The following GRIN2D variants were observed in gnomAD, a reference collection of about 807,000 sequenced individuals.
GRIN2D encodes the protein glutamate ionotropic receptor NMDA type subunit 2D, also known as glutamate receptor ionotropic, NMDA 2D.
GRIN2D carries 37 observed loss-of-function variants against 103.2 expected under a neutral mutation model. The observed-to-expected ratio is 0.36, with a 90% confidence interval of 0.28 to 0.47. The LOEUF is 0.47. Among genes scored for constraint, GRIN2D ranks in the 20% least tolerant of loss-of-function variants. GRIN2D has a pLI of 1.00. For missense variants in GRIN2D, 1,557 were observed against 1,910.6 expected (o/e 0.81, Z 3.45); for synonymous variants, 845 against 885.6 (o/e 0.95, Z 0.81).
intron 11 of GRIN2D, among the ~76,000 whole-genome samples, chr19:48,436,185 A>G (rs1971227685): frequency 6.6e-6 from 1 of 152,174 alleles, no homozygotes; most frequent in Admixed American, 6.5e-5. Context: ...CACTCACATC[A>G]GTCTGCCTGA....
chr19:48,436,123 AAAAG>A (rs1260550608), intron 11 of GRIN2D, among the ~76,000 whole-genome samples: 16 of 152,146 alleles, frequency 1.1e-4, no homozygotes, highest in African/African-American at 3.9e-4. Flanking sequence ...CTGCAATGGA[AAAAG>A]AGTCATTCAC....
In GRIN2D at chr19:48,443,770, G is replaced by A; in HGVS notation, c.3844G>A (p.Ala1282Thr). 1.4e-6 allele frequency: 2 copies of A among 1,433,988 alleles called. No individual in the cohort carries two copies. Among genetic ancestry groups the A allele is most frequent in the South Asian group, 1.4e-5 (1 of 72,304 alleles). 88.8% of individuals were successfully genotyped at this position (1,433,988 alleles called of 1,614,324 possible). A position where few individuals can be genotyped will look rare whatever the true frequency, so the allele number is the denominator to read the frequency against. The change falls in exon 14 of 14, where the codon GCC (alanine) becomes ACC (threonine). Residue 1282 changes from alanine to threonine, a missense_variant. Around this residue, in one of 7 missense-constraint regions of GRIN2D, gnomAD observed 11 missense variants for 29.1 expected, o/e 0.38. Coordinates refer to ENST00000263269, the MANE Select transcript of GRIN2D (RefSeq NM_000836.4). The surrounding 1 kb of genome is among the most constrained non-coding windows in gnomAD (Gnocchi z 8.9). ...GGACCTCAGCTCGTGCCCTCGCGCC[G>A]CCCCTGCGCGCAGGCTTACCGGGCC... The part of the protein sequence containing the change: ...LEDLSSCPRA[A>T]PARRLTGPSR...
intron 11 of GRIN2D, among the ~76,000 whole-genome samples, chr19:48,428,479 G>T (rs1971116675): frequency 6.6e-6 from 1 of 151,444 alleles, no homozygotes; most frequent in Non-Finnish European, 1.5e-5. Flanking sequence ...TCTTGCCTCA[G>T]CCTCCCTCCT....
At chr19:48,433,973 G>A (rs925367932) in intron 11 of GRIN2D, among the ~76,000 whole-genome samples, 1 of 150,170 alleles carries the variant, frequency 6.7e-6, no homozygotes, top group African/African-American at 2.5e-5. Flanking sequence ...TTTTGAGATG[G>A]AGTCTCGCTC....
chr19:48,428,091 C>T (rs2147463429), intron 11 of GRIN2D, among the ~76,000 whole-genome samples: 1 of 146,310 alleles, frequency 6.8e-6, no homozygotes, highest in East Asian at 2.0e-4. Context: ...GGCTGGAGTG[C>T]AGTGACATGA....
chr19:48,402,136 GAA>G (rs1569059055), intron 3 of GRIN2D, among the ~76,000 whole-genome samples: 4 of 134,226 alleles, frequency 3.0e-5, no homozygotes, highest in South Asian at 2.5e-4. Context: ...AAGAAAGAAA[GAA>G]AGAAAGAAAG....
chr19:48,402,816 G>C (rs180716210), intron 3 of GRIN2D, among the ~76,000 whole-genome samples: 43 of 143,250 alleles, frequency 3.0e-4, no homozygotes, highest in Non-Finnish European at 5.0e-4. Context: ...ATAGGGAACA[G>C]TCTTGAGATA....
chr19:48,412,459 AAGAAAGAAAGAAAG>A (rs1970880456), intron 4 of GRIN2D, among the ~76,000 whole-genome samples: 2 of 150,716 alleles, frequency 1.3e-5, no homozygotes, highest in Admixed American at 1.3e-4. Context: ...GAAAGAAAGA[AAGAAAGAAAGAAAG>A]AAAGAAAGAG....
intron 4 of GRIN2D, among the ~76,000 whole-genome samples, chr19:48,406,815 C>T (rs1970797587): frequency 6.6e-6 from 1 of 152,030 alleles, no homozygotes; most frequent in African/African-American, 2.4e-5. Context: ...TTTTCGGATG[C>T]ATGAAGCAGA....
intron 11 of GRIN2D, among the ~76,000 whole-genome samples, chr19:48,424,506 G>A (rs1272780537): frequency 1.5e-4 from 22 of 151,432 alleles, no homozygotes; most frequent in Non-Finnish European, 2.8e-4. Flanking sequence ...TCCTGACCTC[G>A]TGATCCACCC....
intron 3 of GRIN2D, among the ~76,000 whole-genome samples, chr19:48,402,166 A>AAGAAAGAAAGAAAGAAAGAGAG (rs748167336): frequency 2.4e-4 from 19 of 80,086 alleles, no homozygotes; most frequent in African/African-American, 6.7e-4. Context: ...GAAAGAAAGA[A>AAGAAAGAAAGAAAGAAAGAGAG]AGAGAGAAAA....
chr19:48,412,514 G>A (rs143771157), intron 4 of GRIN2D, among the ~76,000 whole-genome samples: 1,753 of 151,928 alleles, frequency 0.012, 32 homozygotes, highest in African/African-American at 0.04. Flanking sequence ...CAGGCCAGGC[G>A]CGGTGGCTCA....
intron 4 of GRIN2D, among the ~76,000 whole-genome samples, chr19:48,413,164 A>C (rs1970897137): frequency 7.0e-6 from 1 of 142,928 alleles, no homozygotes; most frequent in Admixed American, 7.2e-5. Flanking sequence ...ACAAACAAAA[A>C]AACCACACAT....
chr19:48,443,789 C>T lies in GRIN2D; in HGVS notation c.3863C>T (p.Thr1288Ile). Residue 1288 changes from threonine to isoleucine, a missense_variant, in exon 14 of 14, where the codon ACC (threonine) becomes ATC (isoleucine). Transcript: ENST00000263269. The surrounding 1 kb of genome is among the most constrained non-coding windows in gnomAD (Gnocchi z 8.9). ...CPRAAPARRLTGPSRHARRCP... is the reference protein window; with the variant it reads ...CPRAAPARRLIGPSRHARRCP... The stretch of plus-strand genomic sequence containing the variant: ...CGCGCCGCCCCTGCGCGCAGGCTTA[C>T]CGGGCCCTCCCGCCACGCTCGCAGG... 1 of 1,467,374 alleles carries T rather than the reference C, an allele frequency of 6.8e-7. No homozygotes were observed. The highest frequency in any genetic ancestry group is 9.0e-7 in the Non-Finnish European group (1 of 1,116,942). 90.9% of individuals were successfully genotyped at this position (1,467,374 alleles called of 1,614,324 possible).
At chr19:48,425,497 C>T (rs531838539) in intron 11 of GRIN2D, among the ~76,000 whole-genome samples, 30 of 152,222 alleles carry the variant, frequency 2.0e-4, no homozygotes, top group Non-Finnish European at 3.7e-4. Context: ...CTGCTTCGGC[C>T]TCCCAAAGTG....
chr19:48,400,155 G>T (rs1383733330), intron 3 of GRIN2D, among the ~76,000 whole-genome samples: 1 of 152,158 alleles, frequency 6.6e-6, no homozygotes, highest in Non-Finnish European at 1.5e-5. Flanking sequence ...GCACAGAAGG[G>T]GCCAGTTGTA....
chr19:48,397,837 A>C (rs890322267), intron 2 of GRIN2D, among the ~76,000 whole-genome samples: 3 of 143,074 alleles, frequency 2.1e-5, no homozygotes, highest in Admixed American at 1.4e-4. Flanking sequence ...CACCTTGTCT[A>C]TCTTCCTCTC....
intron 11 of GRIN2D, among the ~76,000 whole-genome samples, chr19:48,438,946 T>G (rs1214631968): frequency 1.4e-5 from 2 of 138,082 alleles, no homozygotes; most frequent in East Asian, 4.3e-4. Flanking sequence ...ACCTGGCTAA[T>G]TTTTTTTTTT....
At chr19:48,435,755 AT>A (rs1287438571) in intron 11 of GRIN2D, among the ~76,000 whole-genome samples, 1 of 152,174 alleles carries the variant, frequency 6.6e-6, no homozygotes, top group Non-Finnish European at 1.5e-5. Flanking sequence ...CCGTCCAGCC[AT>A]TTCTTAGTAA....
Sources: allele counts gnomAD v4.1 joint callset (sites outside exome capture counted in the v4.1 genomes callset), GRCh38; gene constraint gnomAD v4.1.1; regional missense constraint gnomAD v4.1.1; non-coding constraint Gnocchi (gnomAD v3.1); transcripts MANE v1.5; gene names NCBI Gene and HGNC (gene_info 2026-07-23, HGNC 2026-07-21).